GRM5: variants seen among roughly 807,000 people sequenced by gnomAD.
The protein encoded by GRM5 is metabotropic glutamate receptor 5.
GRM5 carries 19 observed loss-of-function variants against 83.1 expected under a neutral mutation model. The ratio of observed to expected loss-of-function variants is 0.23; its 90% confidence interval spans 0.16 to 0.34. GRM5 has a LOEUF of 0.34. Ranked by LOEUF, GRM5 falls within the 10% of genes least tolerant of loss-of-function variation. The pLI, the probability that GRM5 is intolerant of heterozygous loss-of-function variation, is 1.00. For synonymous variants in GRM5, 675 were observed against 633.6 expected, an observed-to-expected ratio of 1.07 and a Z score of -0.98; for missense variants, 1,160 against 1,588.3, an observed-to-expected ratio of 0.73 and a Z score of 4.58.
At chr11:88,890,822 C>A (rs11021655) in intron 2 of GRM5, among the ~76,000 whole-genome samples, 24,350 of 152,062 alleles carry the variant, frequency 0.16, 3,757 homozygotes, top group African/African-American at 0.4. Context: ...GGTTTCTCAA[C>A]AAATGTAAAA....
At chr11:88,795,665 T>C (rs766876598) in intron 3 of GRM5, among the ~76,000 whole-genome samples, 5 of 152,208 alleles carry the variant, frequency 3.3e-5, no homozygotes, top group Non-Finnish European at 7.3e-5. Flanking sequence ...TTATTAGCAC[T>C]CTCCATTTTA....
intron 3 of GRM5, among the ~76,000 whole-genome samples, chr11:88,709,560 T>A (rs1167537148): frequency 1.3e-5 from 2 of 152,064 alleles, no homozygotes; most frequent in Non-Finnish European, 2.9e-5. Flanking sequence ...AGTGAACTAA[T>A]CAAGGAAATG....
At chr11:88,753,623 A>G (rs1447470296) in intron 3 of GRM5, among the ~76,000 whole-genome samples, 1 of 152,172 alleles carries the variant, frequency 6.6e-6, no homozygotes, top group East Asian at 1.9e-4. Context: ...ACATGCATGC[A>G]TATATTCATT....
intron 9 of GRM5, among the ~76,000 whole-genome samples, chr11:88,518,481 A>G (rs890804865): frequency 6.6e-6 from 1 of 152,052 alleles, no homozygotes; most frequent in Non-Finnish European, 1.5e-5. Flanking sequence ...AAGAATGACA[A>G]TAGATGGTTC....
At chr11:88,597,509 T>C (rs1031929592) in intron 5 of GRM5, among the ~76,000 whole-genome samples, 157 bp from the exon 6 acceptor site, 3 of 152,166 alleles carry the variant, frequency 2.0e-5, no homozygotes, top group African/African-American at 7.2e-5. Flanking sequence ...AAAATCTGTC[T>C]ATTTTACTTT....
intron 3 of GRM5, among the ~76,000 whole-genome samples, chr11:88,821,525 C>A (rs1159809419): frequency 6.6e-6 from 1 of 152,030 alleles, no homozygotes; most frequent in East Asian, 1.9e-4. Flanking sequence ...GTTCCTTCTC[C>A]AATACTACTT....
At chr11:88,819,105 C>A (rs1943741102) in intron 3 of GRM5, among the ~76,000 whole-genome samples, 1 of 152,122 alleles carries the variant, frequency 6.6e-6, no homozygotes, top group African/African-American at 2.4e-5. Flanking sequence ...AAATCACTAA[C>A]AAGAATGCTT....
At chr11:88,739,514 T>TA (rs1322052284) in intron 3 of GRM5, among the ~76,000 whole-genome samples, 7 of 152,124 alleles carry the variant, frequency 4.6e-5, no homozygotes, top group African/African-American at 1.7e-4. Context: ...TAATGGCTGA[T>TA]ATGGTTAGGC....
At position 88,726,958 on chromosome 11, in the gene GRM5, A is replaced by G. The variant is rs181842199; in HGVS notation, c.912-73555T>C. Among the ~76,000 whole-genome samples the G allele has an allele frequency of 8.5e-5, 13 of 152,330 alleles. No homozygotes were observed. In the East Asian group the frequency reaches 2.1e-3, roughly 25 times the overall value. ...ACATGCCAAATTGTAAAGACCATCA[A>G]TACTATGAAGAAACTGCATCAACGA... On this transcript the variant is annotated intron_variant, in intron 3 of 9. Transcript: ENST00000305447.
At chr11:88,899,991 G>C (rs1299509659) in intron 2 of GRM5, among the ~76,000 whole-genome samples, 1 of 151,958 alleles carries the variant, frequency 6.6e-6, no homozygotes, top group Non-Finnish European at 1.5e-5. Context: ...AGATATATTA[G>C]GAATAACTAG....
At chr11:88,939,710 A>G (rs141407332) in intron 2 of GRM5, among the ~76,000 whole-genome samples, 2 of 151,982 alleles carry the variant, frequency 1.3e-5, no homozygotes, top group African/African-American at 2.4e-5. Context: ...GTGTTTGGCG[A>G]AACAATATGA....
intron 2 of GRM5, among the ~76,000 whole-genome samples, chr11:88,898,422 A>G (rs1945267533): frequency 2.0e-5 from 3 of 151,974 alleles, no homozygotes; most frequent in Non-Finnish European, 2.9e-5. Context: ...ACATAATTCA[A>G]CCAAAACACC....
intron 8 of GRM5, among the ~76,000 whole-genome samples, chr11:88,547,246 T>C (rs1294485675): frequency 6.6e-6 from 1 of 152,148 alleles, no homozygotes; most frequent in Non-Finnish European, 1.5e-5. Flanking sequence ...TGAGTTTGGA[T>C]ATGTTAAGGT....
At chr11:88,936,472 C>T (rs761004377) in intron 2 of GRM5, among the ~76,000 whole-genome samples, 69 of 151,720 alleles carry the variant, frequency 4.5e-4, no homozygotes, top group South Asian at 8.3e-4. Context: ...ATCTCTCATA[C>T]TTTCTTCTGT....
intron 4 of GRM5, among the ~76,000 whole-genome samples, chr11:88,635,259 T>A (rs987447112): frequency 1.3e-5 from 2 of 152,196 alleles, no homozygotes; most frequent in East Asian, 3.9e-4. Flanking sequence ...CTATTTTCCA[T>A]AATGGTTGTA....
intron 2 of GRM5, among the ~76,000 whole-genome samples, chr11:88,995,278 G>A (rs1940144463): frequency 6.6e-6 from 1 of 152,066 alleles, no homozygotes; most frequent in Non-Finnish European, 1.5e-5. Context: ...CAGGCACGGT[G>A]GAGCATGCCT....
intron 8 of GRM5, among the ~76,000 whole-genome samples, chr11:88,537,376 C>T (rs533242917): frequency 2.2e-3 from 329 of 152,170 alleles, no homozygotes; most frequent in African/African-American, 6.8e-3. Context: ...AAAGAGGCAT[C>T]ACTAAGAAGA....
chr11:88,946,572 C>G (rs1232718226), intron 2 of GRM5, among the ~76,000 whole-genome samples: 1 of 151,980 alleles, frequency 6.6e-6, no homozygotes, highest in Admixed American at 6.6e-5. Context: ...CAGAGAAAAT[C>G]AAATATTGCA....
At chr11:88,750,223 A>G (rs116157003) in intron 3 of GRM5, among the ~76,000 whole-genome samples, 3,179 of 152,152 alleles carry the variant, frequency 0.021, 115 homozygotes, top group African/African-American at 0.071. Context: ...CACAGGATCA[A>G]AACAAAAGGA....
Sources: allele counts gnomAD v4.1 joint callset (sites outside exome capture counted in the v4.1 genomes callset), GRCh38; gene constraint gnomAD v4.1.1; transcripts MANE v1.5; gene names NCBI Gene and HGNC (gene_info 2026-07-23, HGNC 2026-07-21).